Variants in UBL3 observed in about 807,000 individuals in gnomAD.
UBL3 encodes the protein ubiquitin-like protein 3.
In UBL3, 6 loss-of-function variants were observed where a neutral mutation model predicts 18.4. The observed-to-expected ratio is 0.33, with a 90% CI of 0.18 to 0.64. The LOEUF (loss-of-function observed/expected upper bound fraction) is 0.64, where lower values mean the gene tolerates loss of function less well. UBL3 is among the 30% of genes least tolerant of loss of function. The probability of loss-of-function intolerance (pLI) is 0.76; values close to 1 mark genes in which losing one functional copy is unlikely to be tolerated. For missense variants in UBL3, 109 were observed against 142.9 expected (o/e 0.76, Z 1.21); for synonymous variants, 49 against 46.6 (o/e 1.05, Z -0.21).
At chr13:29,835,153 T>TATATATAA in intron 1 of UBL3, among the ~76,000 whole-genome samples, 1 of 30,498 alleles carries the variant, frequency 3.3e-5, no homozygotes, top group Non-Finnish European at 5.9e-5. Context: ...TATATATATA[T>TATATATAA]ATATATATAT....
At chr13:29,849,464 G>A in intron 1 of UBL3, 48 bp downstream of exon 1, 1 of 1,613,220 alleles carries the variant, frequency 6.2e-7, no homozygotes, top group Non-Finnish European at 8.5e-7. Flanking sequence ...GATTAAATAA[G>A]ATTGGAAACC....
intron 2 of UBL3, among the ~76,000 whole-genome samples, chr13:29,774,621 G>C (rs940115936): frequency 1.3e-4 from 19 of 151,924 alleles, no homozygotes; most frequent in Non-Finnish European, 2.5e-4. Flanking sequence ...TTAGAAACTA[G>C]CCGCTTGGTT....
At chr13:29,803,576 G>A (rs1414240456) in intron 1 of UBL3, among the ~76,000 whole-genome samples, 1 of 151,590 alleles carries the variant, frequency 6.6e-6, no homozygotes, top group African/African-American at 2.4e-5. Flanking sequence ...CTCAAAGTAA[G>A]GGATGGAGAA....
intron 1 of UBL3, among the ~76,000 whole-genome samples, chr13:29,781,749 T>G (rs1434399506): frequency 6.8e-6 from 1 of 146,544 alleles, no homozygotes; most frequent in Admixed American, 7.1e-5. Flanking sequence ...TTTGGGAGAC[T>G]GAAGCAGGAG....
intron 1 of UBL3, among the ~76,000 whole-genome samples, chr13:29,834,850 A>G (rs1878876968): frequency 6.6e-6 from 1 of 151,550 alleles, no homozygotes; most frequent in Non-Finnish European, 1.5e-5. Flanking sequence ...ATAATCAAAC[A>G]TTACTAAGCT....
chr13:29,767,214 A>C lies in UBL3; in HGVS notation c.*41T>G. On this transcript the variant is annotated 3_prime_UTR_variant, in exon 5 of 5. Coordinates refer to ENST00000380680, the MANE Select transcript of UBL3 (RefSeq NM_007106.4). ...GGGTCTTTTCTGTCCCAGCAGCATG[A>C]AAGACAAAGACTATATCACATCACA... 6.2e-7 allele frequency: 1 copy of C among 1,608,228 alleles called. No homozygotes were observed. The highest frequency in any genetic ancestry group is 8.5e-7 in the Non-Finnish European group (1 of 1,176,736).
intron 1 of UBL3, among the ~76,000 whole-genome samples, chr13:29,787,444 G>A (rs1877351481): frequency 6.6e-6 from 1 of 152,138 alleles, no homozygotes; most frequent in Admixed American, 6.6e-5. Context: ...AAAATTCCAT[G>A]AGAAGACTGA....
In UBL3 at chr13:29,765,451, G is replaced by T. The variant is rs1326838273; in HGVS notation, c.*1804C>A. 6.6e-6 allele frequency: 1 copy of T among 151,842 alleles called. No homozygotes were observed. Among genetic ancestry groups the T allele is most frequent in the Non-Finnish European group, 1.5e-5 (1 of 67,936 alleles). The allele number at this position is 151,842 out of a possible 1,614,324, so 9.4% of individuals were successfully genotyped here. ...GTTGTGACTGTCCACAAATTAACCA[G>T]GTTAAATATCAAAGATACATTGGGA... On this transcript the variant is annotated 3_prime_UTR_variant, in exon 5 of 5. Transcript: ENST00000380680.
chr13:29,835,162 A>C (rs1389546922), intron 1 of UBL3, among the ~76,000 whole-genome samples: 8 of 58,350 alleles, frequency 1.4e-4, no homozygotes, highest in African/African-American at 5.1e-4. Flanking sequence ...ATATATATAT[A>C]TATATATATA....
chr13:29,772,069 C>G, intron 3 of UBL3, 43 bp downstream of exon 3: 2 of 1,503,198 alleles, frequency 1.3e-6, no homozygotes, highest in African/African-American at 1.4e-5. Context: ...AATCATGCTA[C>G]CATGAGACAG....
At chr13:29,835,107 A>AATATATATATATATATAAATATATATAT (rs1488689076) in intron 1 of UBL3, among the ~76,000 whole-genome samples, 1 of 23,796 alleles carries the variant, frequency 4.2e-5, no homozygotes, top group Non-Finnish European at 7.1e-5. Context: ...TATATATATA[A>AATATATATATATATATAAATATATATAT]ATATATATAT....
intron 1 of UBL3, among the ~76,000 whole-genome samples, chr13:29,779,449 A>T (rs1001338598): frequency 3.3e-5 from 5 of 152,186 alleles, no homozygotes; most frequent in Non-Finnish European, 5.9e-5. Context: ...ATGTGAACTT[A>T]ATACTTCTTA....
chr13:29,776,433 T>C (rs1156273175), intron 2 of UBL3, among the ~76,000 whole-genome samples: 1 of 151,840 alleles, frequency 6.6e-6, no homozygotes, highest in East Asian at 1.9e-4. Flanking sequence ...TGGCTAATTT[T>C]TAAATTTTTA....
intron 1 of UBL3, among the ~76,000 whole-genome samples, chr13:29,819,066 T>C (rs1446098853): frequency 6.6e-6 from 1 of 152,166 alleles, no homozygotes; most frequent in African/African-American, 2.4e-5. Context: ...AAGGAGCAAG[T>C]AGAGCAAGTA....
chr13:29,767,733 T>C (rs1161380302), intron 3 of UBL3, 38 bp from the exon 4 acceptor site: 13 of 1,562,106 alleles, frequency 8.3e-6, no homozygotes, highest in Non-Finnish European at 1.1e-5. Context: ...TACACATATA[T>C]CGACCTATTA....
At chr13:29,787,573 A>C (rs1565991839) in intron 1 of UBL3, among the ~76,000 whole-genome samples, 1 of 152,184 alleles carries the variant, frequency 6.6e-6, no homozygotes, top group Non-Finnish European at 1.5e-5. Flanking sequence ...GTATCACTTT[A>C]AAACCTGACT....
intron 1 of UBL3, among the ~76,000 whole-genome samples, chr13:29,783,102 T>C (rs952323782): frequency 4.6e-5 from 7 of 152,214 alleles, no homozygotes; most frequent in Non-Finnish European, 8.8e-5. Context: ...GCATAGTATG[T>C]AGAACAGGAA....
chr13:29,822,701 C>A (rs889809399), intron 1 of UBL3, among the ~76,000 whole-genome samples: 3 of 152,058 alleles, frequency 2.0e-5, no homozygotes, highest in Non-Finnish European at 4.4e-5. Flanking sequence ...CCACACCTGG[C>A]CAAAGACTGC....
At chr13:29,775,804 C>T (rs1876967973) in intron 2 of UBL3, among the ~76,000 whole-genome samples, 1 of 151,876 alleles carries the variant, frequency 6.6e-6, no homozygotes, top group Non-Finnish European at 1.5e-5. Context: ...TTAGTAGAGA[C>T]GGGGTTTCAC....
Sources: allele counts gnomAD v4.1 joint callset (sites outside exome capture counted in the v4.1 genomes callset), GRCh38; gene constraint gnomAD v4.1.1; transcripts MANE v1.5; gene names NCBI Gene and HGNC (gene_info 2026-07-23, HGNC 2026-07-21).